The following TCF7L2 variants were observed in gnomAD, a reference collection of about 807,000 sequenced individuals.
The protein encoded by TCF7L2 is transcription factor 7-like 2.
In TCF7L2, 23 loss-of-function variants were observed where a neutral mutation model predicts 77.9. The ratio of observed to expected loss-of-function variants is 0.30; its 90% CI spans 0.21 to 0.42. TCF7L2 has a LOEUF of 0.42. TCF7L2 is among the 10% of genes least tolerant of loss of function. The pLI, the probability that TCF7L2 is intolerant of heterozygous loss-of-function variation, is 1.00. For missense variants in TCF7L2, 654 were observed against 793.1 expected, an observed-to-expected ratio of 0.82 and a Z score of 2.11; for synonymous variants, 413 against 340.2, an observed-to-expected ratio of 1.21 and a Z score of -2.36.
chr10:113,157,222 G>C (rs944204101), intron 11 of TCF7L2, among the ~76,000 whole-genome samples: 1 of 152,314 alleles, frequency 6.6e-6, no homozygotes, highest in East Asian at 1.9e-4. Flanking sequence ...GGGTTCAGGC[G>C]ATTCTCCTGC....
At chr10:113,032,777 A>T (rs1393336611) in intron 4 of TCF7L2, among the ~76,000 whole-genome samples, 1 of 152,190 alleles carries the variant, frequency 6.6e-6, no homozygotes, top group Non-Finnish European at 1.5e-5. Flanking sequence ...CTAACAGGTT[A>T]GTTCCACCTT....
chr10:113,067,916 G>C (rs2057459083), intron 5 of TCF7L2, among the ~76,000 whole-genome samples: 1 of 151,950 alleles, frequency 6.6e-6, no homozygotes, highest in Non-Finnish European at 1.5e-5. Context: ...AAGATAAGTA[G>C]ACAGGGGCTC....
chr10:113,142,670 G>A (rs1430484244), intron 6 of TCF7L2, among the ~76,000 whole-genome samples: 1 of 152,234 alleles, frequency 6.6e-6, no homozygotes, highest in African/African-American at 2.4e-5. Flanking sequence ...TTGTGCTGGT[G>A]CAGGACTGAG....
intron 4 of TCF7L2, among the ~76,000 whole-genome samples, chr10:113,033,946 C>G (rs1347884207): frequency 6.6e-6 from 1 of 152,140 alleles, no homozygotes; most frequent in Non-Finnish European, 1.5e-5. Context: ...ACTTTGGTGC[C>G]TGTATGATTC....
At chr10:113,017,041 G>A (rs375870819) in intron 4 of TCF7L2, among the ~76,000 whole-genome samples, 3 of 152,086 alleles carry the variant, frequency 2.0e-5, no homozygotes, top group Admixed American at 6.5e-5. Flanking sequence ...TTGTACCAGC[G>A]ATATCTCTTC....
At position 113,146,002 on chromosome 10, in the gene TCF7L2, T is replaced by C. The variant is rs1213512170; in HGVS notation, c.789-9T>C. ...TTCAAGTCTCTTACTTTGTACCCCTTCTTTGTAGGCAAGGTCAACCAGTGT... is the reference window on the plus strand; with the variant it reads ...TTCAAGTCTCTTACTTTGTACCCCTCCTTTGTAGGCAAGGTCAACCAGTGT... On this transcript the variant is annotated splice_polypyrimidine_tract_variant and intron_variant, in intron 7 of 13. Transcript: ENST00000627217. The C allele has an allele frequency of 2.3e-6, 3 of 1,315,256 alleles. No homozygotes were observed. Among genetic ancestry groups the C allele is most frequent in the Non-Finnish European group, 3.2e-6 (3 of 929,528 alleles). The allele number at this position is 1,315,256 out of a possible 1,614,324, so 81.5% of individuals were successfully genotyped here. A position where few individuals can be genotyped will look rare whatever the true frequency, so the allele number is the denominator to read the frequency against.
At chr10:113,028,493 T>G (rs200405461) in intron 4 of TCF7L2, among the ~76,000 whole-genome samples, 1 of 152,094 alleles carries the variant, frequency 6.6e-6, no homozygotes, top group Non-Finnish European at 1.5e-5. Context: ...CAATAAAAAT[T>G]TGGACAGGGA....
intron 4 of TCF7L2, among the ~76,000 whole-genome samples, chr10:112,983,281 C>A (rs539066107): frequency 1.9e-4 from 29 of 151,850 alleles, no homozygotes; most frequent in Non-Finnish European, 4.0e-4. Context: ...ACCATCCTGG[C>A]TAACACGGTG....
Position 113,158,665 on chromosome 10 carries a change from A to AG in TCF7L2, c.1318+597dup. On this transcript the variant is annotated intron_variant, in intron 12 of 13. Coordinates refer to ENST00000627217, the MANE Select transcript of TCF7L2 (RefSeq NM_001146274.2). ...TTTGTATAATTTGTTCTTTTTTTTC[A>AG]GAACACAGCGAATGTTTCCTAAATC... 1 of 1,613,754 alleles carries AG rather than the reference A, an allele frequency of 6.2e-7. No individual in the cohort carries two copies. Among genetic ancestry groups the AG allele is most frequent in the Non-Finnish European group, 8.5e-7 (1 of 1,180,002 alleles).
chr10:112,952,377 G>A (rs1294830115), intron 3 of TCF7L2, among the ~76,000 whole-genome samples: 2 of 152,096 alleles, frequency 1.3e-5, no homozygotes, highest in Non-Finnish European at 2.9e-5. Flanking sequence ...CGAGCGCCCT[G>A]GGCGCCGTGG....
chr10:113,071,032 A>G (rs1452775344), intron 5 of TCF7L2, among the ~76,000 whole-genome samples: 1 of 152,174 alleles, frequency 6.6e-6, no homozygotes, highest in Non-Finnish European at 1.5e-5. Context: ...AGATGAAATC[A>G]TAGGCCCGTG....
chr10:113,155,152 CTTAGGACA>C (rs1413404994), intron 11 of TCF7L2, among the ~76,000 whole-genome samples: 1 of 152,050 alleles, frequency 6.6e-6, no homozygotes, highest in Non-Finnish European at 1.5e-5. Context: ...ATATCTTTAC[CTTAGGACA>C]ACAGAATTGA....
chr10:113,082,206 T>C (rs1439075120), intron 5 of TCF7L2, among the ~76,000 whole-genome samples: 1 of 151,942 alleles, frequency 6.6e-6, no homozygotes, highest in East Asian at 1.9e-4. Flanking sequence ...CTTCATCTTA[T>C]TACCTTTCAT....
intron 12 of TCF7L2, 130 bp downstream of exon 14, chr10:113,160,122 C>A: frequency 2.6e-6 from 2 of 777,320 alleles, no homozygotes; most frequent in Non-Finnish European, 4.2e-6. Context: ...TGGGACACTG[C>A]CAAGTGTATG....
chr10:112,990,622 A>G (rs1470807505), intron 4 of TCF7L2, among the ~76,000 whole-genome samples: 1 of 151,996 alleles, frequency 6.6e-6, no homozygotes, highest in Non-Finnish European at 1.5e-5. Flanking sequence ...TGGGCGGGCG[A>G]TTGAGCTCAG....
Position 113,166,975 on chromosome 10 carries a change from G to A in TCF7L2, c.*1003G>A. On this transcript the variant is annotated 3_prime_UTR_variant, in exon 14 of 14. Transcript: ENST00000627217. ...GAATTTTAGCGACACTGTCTGAGCA[G>A]CAGTGGGAACCATCTTCGTTTCCCC... 4.3e-6 allele frequency: 1 copy of A among 231,452 alleles called. No individual in the cohort carries two copies. Among genetic ancestry groups the A allele is most frequent in the Non-Finnish European group, 8.6e-6 (1 of 116,910 alleles). The allele number at this position is 231,452 out of a possible 1,614,324, so 14.3% of individuals were successfully genotyped here. A position where few individuals can be genotyped will look rare whatever the true frequency, so the allele number is the denominator to read the frequency against.
At chr10:113,028,781 A>T (rs992502244) in intron 4 of TCF7L2, among the ~76,000 whole-genome samples, 1 of 152,244 alleles carries the variant, frequency 6.6e-6, no homozygotes, top group African/African-American at 2.4e-5. Context: ...GCTCCCAGCC[A>T]TGGAGAAAGA....
At chr10:113,006,332 G>A (rs2045545752) in intron 4 of TCF7L2, among the ~76,000 whole-genome samples, 1 of 152,170 alleles carries the variant, frequency 6.6e-6, no homozygotes, top group African/African-American at 2.4e-5. Flanking sequence ...TGCAGGGTAA[G>A]AACAAGCACA....
At chr10:112,960,213 C>G (rs2034708867) in intron 3 of TCF7L2, among the ~76,000 whole-genome samples, 1 of 152,124 alleles carries the variant, frequency 6.6e-6, no homozygotes, top group African/African-American at 2.4e-5. Flanking sequence ...CATTCCATGT[C>G]TGGGTATCTC....
Sources: allele counts gnomAD v4.1 joint callset (sites outside exome capture counted in the v4.1 genomes callset), GRCh38; gene constraint gnomAD v4.1.1; transcripts MANE v1.5; gene names NCBI Gene and HGNC (gene_info 2026-07-23, HGNC 2026-07-21).